Variants in KIF13B observed in about 807,000 individuals in gnomAD.
The protein encoded by KIF13B is kinesin family member 13B.
KIF13B carries 127 observed loss-of-function variants against 222.0 expected under a neutral mutation model. The observed-to-expected ratio is 0.57, with a 90% confidence interval of 0.50 to 0.66. The LOEUF is 0.66. Ranked by LOEUF, KIF13B falls within the 30% of genes least tolerant of loss-of-function variation. KIF13B has a pLI of 0.00. For missense variants in KIF13B, 2,173 were observed against 2,379.0 expected (o/e 0.91, Z 1.80); for synonymous variants, 976 against 919.0 (o/e 1.06, Z -1.12).
At chr8:29,242,488 T>C (rs1815825082) in intron 2 of KIF13B, among the ~76,000 whole-genome samples, 3 of 152,236 alleles carry the variant, frequency 2.0e-5, no homozygotes. Flanking sequence ...GACAAAGATT[T>C]GGAAAATCCC....
At chr8:29,116,730 T>TC (rs1809614895) in intron 31 of KIF13B, 101 bp downstream of exon 31, 1 of 1,113,062 alleles carries the variant, frequency 9.0e-7, no homozygotes, top group Non-Finnish European at 1.3e-6. Context: ...GCTCAGTGCT[T>TC]CCGGGAGCCT....
chr8:29,073,016 G>A (rs1226149580), intron 38 of KIF13B, among the ~76,000 whole-genome samples: 1 of 151,766 alleles, frequency 6.6e-6, no homozygotes, highest in African/African-American at 2.4e-5. Flanking sequence ...CACCAACAAG[G>A]AGCCACGGGC....
chr8:29,206,195 C>A lies in KIF13B; in HGVS notation c.150-9996G>T, dbSNP rs562758806. Among the ~76,000 whole-genome samples, 4 of 152,218 alleles carry A rather than the reference C, an allele frequency of 2.6e-5. No individual in the cohort carries two copies. In the East Asian group the frequency reaches 7.7e-4, roughly 29 times the overall value. On this transcript the variant is annotated intron_variant, in intron 2 of 39. Transcript: ENST00000524189. ...ATCCCAGCACTTTCGGAGGCCAAGG[C>A]GGGAGGATCGCTTGAGCCCAGGAGT...
intron 10 of KIF13B, among the ~76,000 whole-genome samples, chr8:29,174,003 A>G (rs1254585966): frequency 6.6e-6 from 1 of 152,126 alleles, no homozygotes; most frequent in East Asian, 1.9e-4. Flanking sequence ...TTTTAAATAC[A>G]TATGTTTAAG....
At chr8:29,231,867 CACTTCCAAATT>C (rs2130589940) in intron 2 of KIF13B, among the ~76,000 whole-genome samples, 1 of 152,160 alleles carries the variant, frequency 6.6e-6, no homozygotes, top group Admixed American at 6.5e-5. Context: ...TTACAAATTC[CACTTCCAAATT>C]TTTTTTTAAG....
intron 1 of KIF13B, chr8:29,250,037 T>G (rs1816211522): frequency 7.8e-7 from 1 of 1,289,094 alleles, no homozygotes; most frequent in Non-Finnish European, 1.0e-6. Flanking sequence ...AAACCACTGC[T>G]TAATGGAATC....
chr8:29,208,750 G>A (rs1378207242), intron 2 of KIF13B, among the ~76,000 whole-genome samples: 1 of 152,056 alleles, frequency 6.6e-6, no homozygotes, highest in Non-Finnish European at 1.5e-5. Context: ...CTTATTTTTT[G>A]CCCCTGCTTG....
intron 37 of KIF13B, among the ~76,000 whole-genome samples, chr8:29,091,437 A>G (rs1030643798): frequency 1.3e-5 from 2 of 152,218 alleles, no homozygotes; most frequent in South Asian, 4.1e-4. Flanking sequence ...CCAAACAGCA[A>G]CTGAAAACAC....
chr8:29,214,200 T>A (rs921945271), intron 2 of KIF13B, among the ~76,000 whole-genome samples: 11 of 152,202 alleles, frequency 7.2e-5, no homozygotes, highest in African/African-American at 2.7e-4. Flanking sequence ...TCAAAAATGT[T>A]TCCTTCTTCA....
intron 1 of KIF13B, among the ~76,000 whole-genome samples, chr8:29,251,341 T>C (rs552098198): frequency 2.0e-5 from 3 of 152,258 alleles, no homozygotes; most frequent in Admixed American, 2.0e-4. Context: ...CACTAAAGTG[T>C]ACCCGTGTTC....
At position 29,155,809 on chromosome 8, in the gene KIF13B, G is replaced by A. The variant is rs374837732; in HGVS notation, c.1452C>T (p.Cys484=). The A allele has an allele frequency of 8.0e-5, 127 of 1,590,108 alleles. No individual in the cohort carries two copies. The highest frequency in any genetic ancestry group is 4.3e-4 in the South Asian group (38 of 87,558). ...GSANSQDIQL[C]GMGILPEHCI... is the part of the protein sequence containing the mutation. ...AGTGTTCAGGAAGAATTCCCATGCC[G>A]CACAGTTGGATATCTTGGGAATTTG... Residue 484 remains cysteine, a synonymous_variant, in exon 14 of 40, where the codon TGC becomes TGT. Coordinates refer to ENST00000524189, the MANE Select transcript of KIF13B (RefSeq NM_015254.4).
chr8:29,135,769 C>A (rs1333467906), intron 21 of KIF13B, among the ~76,000 whole-genome samples: 2 of 152,128 alleles, frequency 1.3e-5, no homozygotes, highest in African/African-American at 4.8e-5. Flanking sequence ...GTGGCACATG[C>A]CTGTAGTCCC....
chr8:29,109,766 G>T (rs1443451769), intron 33 of KIF13B, among the ~76,000 whole-genome samples, 152 bp downstream of exon 33: 1 of 152,180 alleles, frequency 6.6e-6, no homozygotes, highest in Admixed American at 6.5e-5. Flanking sequence ...AAGACAGAAT[G>T]ACCCAATTAC....
Position 29,126,441 on chromosome 8 carries a change from A to G in KIF13B, c.3252+41T>C, listed in dbSNP as rs752383911. On this transcript the variant is annotated intron_variant, in intron 26 of 39. Coordinates refer to ENST00000524189, the MANE Select transcript of KIF13B (RefSeq NM_015254.4). ...CAGGAATGTGTAATTATATACTTTA[A>G]TCATGCTTATTTGAGATGAGATTAA... 6.8e-6 allele frequency: 9 copies of G among 1,316,136 alleles called. No individual in the cohort carries two copies. In the East Asian group the frequency reaches 2.1e-4, roughly 31 times the overall value. 81.5% of individuals were successfully genotyped at this position (1,316,136 alleles called of 1,614,324 possible).
chr8:29,097,134 T>C lies in KIF13B; in HGVS notation c.4324+1999A>G, dbSNP rs189568229. Among the ~76,000 whole-genome samples, 54 of 152,296 alleles carry C rather than the reference T, an allele frequency of 3.5e-4. 1 individual carries two copies. The highest frequency in any genetic ancestry group is 6.8e-3 in the Middle Eastern group (2 of 294). ...AAAATTTTAAAAGCCAAGAAAAAGA[T>C]ACATCGTGCAAACAGTAAATAAATT... On this transcript the variant is annotated intron_variant, in intron 36 of 39. Transcript: ENST00000524189.
rs530568599 is a variant in KIF13B, at chr8:29,244,965, T to C, written c.149+381A>G. Reference sequence around the variant, plus strand: ...GGCTGCAGGCATACCTTCATGAAGATAGCACTTGAAATGGGCTCTGACAGC... The same window carrying C: ...GGCTGCAGGCATACCTTCATGAAGACAGCACTTGAAATGGGCTCTGACAGC... On this transcript the variant is annotated intron_variant, in intron 2 of 39. Transcript: ENST00000524189. 2.6e-5 allele frequency among the ~76,000 whole-genome samples: 4 copies of C among 152,318 alleles called. 1 individual carries two copies. The highest frequency in any genetic ancestry group is 4.1e-4 in the South Asian group (2 of 4,828).
intron 8 of KIF13B, among the ~76,000 whole-genome samples, chr8:29,179,795 G>C (rs1222183654): frequency 6.6e-6 from 1 of 152,180 alleles, no homozygotes; most frequent in Non-Finnish European, 1.5e-5. Context: ...CTGGAACACA[G>C]AGTTCTAGAG....
intron 2 of KIF13B, among the ~76,000 whole-genome samples, chr8:29,206,861 G>T (rs10095622): frequency 0.14 from 20,112 of 140,178 alleles, 1,472 homozygotes; most frequent in South Asian, 0.15. Flanking sequence ...AGTGGAAGTG[G>T]GGTGGAAATT....
chr8:29,108,213 G>A (rs1425935323), intron 34 of KIF13B, 21 bp from the exon 35 acceptor site: 8 of 1,608,156 alleles, frequency 5.0e-6, no homozygotes, highest in Non-Finnish European at 6.8e-6. Context: ...AAGAAAGGGG[G>A]GTTAGTTATT....
Sources: allele counts gnomAD v4.1 joint callset (sites outside exome capture counted in the v4.1 genomes callset), GRCh38; gene constraint gnomAD v4.1.1; transcripts MANE v1.5; gene names NCBI Gene and HGNC (gene_info 2026-07-23, HGNC 2026-07-21).